The following BTBD1 variants were observed in gnomAD, a reference collection of about 807,000 sequenced individuals.
BTBD1 encodes the protein BTB/POZ domain-containing protein 1.
A neutral mutation model predicts 48.0 loss-of-function variants in BTBD1; 34 were observed. The ratio of observed to expected loss-of-function variants is 0.71; its 90% CI spans 0.54 to 0.94. The LOEUF is 0.94. Ranked by LOEUF, BTBD1 falls within the 40% of genes least tolerant of loss-of-function variation. The pLI, the probability that BTBD1 is intolerant of heterozygous loss-of-function variation, is 0.00. For missense variants in BTBD1, 543 were observed against 625.6 expected, an observed-to-expected ratio of 0.87 and a Z score of 1.41; for synonymous variants, 261 against 242.1, an observed-to-expected ratio of 1.08 and a Z score of -0.72.
intron 3 of BTBD1, among the ~76,000 whole-genome samples, chr15:83,043,957 T>C (rs572575777): frequency 6.6e-6 from 1 of 152,308 alleles, no homozygotes; most frequent in African/African-American, 2.4e-5. Context: ...TTTTAAGTTC[T>C]AACAGCCCAG....
chr15:83,052,797 A>ATTTTTTTTTT (rs398028150), intron 2 of BTBD1, among the ~76,000 whole-genome samples: 1,078 of 94,478 alleles, frequency 0.011, 81 homozygotes, highest in Non-Finnish European at 0.017. Flanking sequence ...CGCCCGGCTA[A>ATTTTTTTTTT]TTTTTTTTTT....
intron 5 of BTBD1, among the ~76,000 whole-genome samples, chr15:83,028,943 T>C (rs2032463425): frequency 6.6e-6 from 1 of 152,324 alleles, no homozygotes; most frequent in African/African-American, 2.4e-5. Context: ...CATTAATTTC[T>C]ACATTTATCT....
At chr15:83,063,929 G>T (rs2033217914) in intron 1 of BTBD1, among the ~76,000 whole-genome samples, 1 of 152,092 alleles carries the variant, frequency 6.6e-6, no homozygotes, top group African/African-American at 2.4e-5. Flanking sequence ...CCCTTTACTA[G>T]ATTATGTGCT....
intron 3 of BTBD1, among the ~76,000 whole-genome samples, chr15:83,042,761 TTAAA>T (rs1432607267): frequency 6.6e-6 from 1 of 152,206 alleles, no homozygotes; most frequent in Non-Finnish European, 1.5e-5. Context: ...GAGAAACAGA[TTAAA>T]TAAACACAAG....
intron 5 of BTBD1, among the ~76,000 whole-genome samples, chr15:83,026,393 AC>A (rs2032407466): frequency 6.6e-6 from 1 of 152,168 alleles, no homozygotes; most frequent in Non-Finnish European, 1.5e-5. Context: ...AATGCACAGA[AC>A]AGTCTCCCAT....
chr15:83,067,134 A>G lies in BTBD1; in HGVS notation c.18T>C (p.Pro6=). The part of the protein sequence containing the change: MASLG[P]AAAGEQASGA... ...CCGACGCCTGCTCCCCAGCTGCGGC[A>G]GGCCCGAGTGAGGCCATCCTCCAGC... Residue 6 remains proline (P), a synonymous_variant, in exon 1 of 8, where the codon CCT becomes CCC. Transcript: ENST00000261721. 6.9e-7 allele frequency: 1 copy of G among 1,441,298 alleles called. No individual in the cohort carries two copies. The highest frequency in any genetic ancestry group is 9.0e-7 in the Non-Finnish European group (1 of 1,104,998). 89.3% of individuals were successfully genotyped at this position (1,441,298 alleles called of 1,614,324 possible). A position where few individuals can be genotyped will look rare whatever the true frequency, so the allele number is the denominator to read the frequency against.
At chr15:83,041,671 G>C (rs2032762315) in intron 4 of BTBD1, 57 bp downstream of exon 4, 1 of 1,541,760 alleles carries the variant, frequency 6.5e-7, no homozygotes, top group African/African-American at 1.4e-5. Flanking sequence ...ACCAGGCCCA[G>C]CCCTGACAGA....
chr15:83,044,614 A>G, intron 3 of BTBD1: 2 of 1,582,874 alleles, frequency 1.3e-6, no homozygotes, highest in East Asian at 2.2e-5. Context: ...AGAAAAACTC[A>G]GACTGTGTGC....
intron 1 of BTBD1, among the ~76,000 whole-genome samples, chr15:83,062,604 T>C (rs2033194328): frequency 1.3e-5 from 2 of 152,202 alleles, no homozygotes; most frequent in African/African-American, 4.8e-5. Context: ...TGGCACACAG[T>C]AAAAGTACTC....
At position 83,030,097 on chromosome 15, in the gene BTBD1, AC is replaced by A. The variant is rs773841745; in HGVS notation, c.1055+38del. The A allele has an allele frequency of 3.6e-5, 56 of 1,563,296 alleles. No homozygotes were observed. In the African/African-American group the frequency reaches 4.6e-4, roughly 13 times the overall value. The stretch of plus-strand genomic sequence containing the variant: ...TAAAAAAGGCCAAATGGTAACTGCT[AC>A]CCCCACTCTACCCCCGCATCCCCAA... On this transcript the variant is annotated intron_variant, in intron 5 of 7. Coordinates refer to ENST00000261721, the MANE Select transcript of BTBD1 (RefSeq NM_025238.4).
chr15:83,048,018 C>A (rs1159512553), intron 3 of BTBD1, among the ~76,000 whole-genome samples: 2 of 152,112 alleles, frequency 1.3e-5, no homozygotes, highest in Non-Finnish European at 2.9e-5. Context: ...GGAGAGACTA[C>A]AAGAGACCAC....
intron 2 of BTBD1, 76 bp from the exon 3 acceptor site, chr15:83,050,254 T>C (rs377542700): frequency 2.5e-6 from 2 of 795,442 alleles, no homozygotes; most frequent in Non-Finnish European, 2.0e-6. Flanking sequence ...GAAATTAATA[T>C]TGTCAACAGT....
rs2032767517 is a variant in BTBD1 at position 83,041,878 on chromosome 15, T to G, written c.712A>C (p.Ser238Arg). 1 of 1,614,150 alleles carries G rather than the reference T, an allele frequency of 6.2e-7. No homozygotes were observed. Among genetic ancestry groups the G allele is most frequent in the African/African-American group, 1.3e-5 (1 of 75,034 alleles). ...LERDTLSIRE[S>R]RLFGAVVRWA... ...CGTACAACAGCTCCAAAAAGTCGAC[T>G]TTCTCGAATACTGAGTGTGTCTCTC... is the stretch of plus-strand genomic sequence containing the variant. Residue 238 changes from serine (S) to arginine (R), a missense_variant, in exon 4 of 8, where the codon AGT becomes CGT. Coordinates refer to ENST00000261721, the MANE Select transcript of BTBD1 (RefSeq NM_025238.4).
chr15:83,040,908 T>C (rs994213535), intron 4 of BTBD1, among the ~76,000 whole-genome samples: 1 of 151,860 alleles, frequency 6.6e-6, no homozygotes, highest in Non-Finnish European at 1.5e-5. Context: ...GGCTTACACC[T>C]GTAATCCCAG....
At chr15:83,063,723 C>T (rs2033212512) in intron 1 of BTBD1, among the ~76,000 whole-genome samples, 1 of 152,186 alleles carries the variant, frequency 6.6e-6, no homozygotes, top group Admixed American at 6.5e-5. Context: ...TCCTGTCTGG[C>T]CTATCTTTTT....
intron 4 of BTBD1, among the ~76,000 whole-genome samples, chr15:83,040,401 A>T (rs1014197489): frequency 2.6e-5 from 4 of 152,172 alleles, no homozygotes; most frequent in Non-Finnish European, 5.9e-5. Flanking sequence ...AGTTGAAATT[A>T]TTTTTTAAAA....
chr15:83,051,877 T>TACACACACACACAC (rs113253261), intron 2 of BTBD1, among the ~76,000 whole-genome samples: 42,504 of 138,586 alleles, frequency 0.31, 6,999 homozygotes, highest in East Asian at 0.53. Flanking sequence ...TCCATATATA[T>TACACACACACACAC]ACACACACAC....
At chr15:83,024,665 G>T (rs1018742528) in intron 5 of BTBD1, among the ~76,000 whole-genome samples, 1 of 152,032 alleles carries the variant, frequency 6.6e-6, no homozygotes, top group Non-Finnish European at 1.5e-5. Flanking sequence ...TTTGAGACAG[G>T]GTTTTGCTCT....
chr15:83,040,601 G>A (rs2032733025), intron 4 of BTBD1, among the ~76,000 whole-genome samples: 1 of 150,740 alleles, frequency 6.6e-6, no homozygotes, highest in Non-Finnish European at 1.5e-5. Context: ...TCAGGAGGCT[G>A]AGGTGTGAGA....
Sources: gnomAD v4.1 joint callset for allele counts (sites outside exome capture counted in the v4.1 genomes callset) on GRCh38, gnomAD v4.1.1 for gene constraint, MANE v1.5 for transcripts, NCBI Gene and HGNC (gene_info 2026-07-23, HGNC 2026-07-21) for gene names.